Variants in LRRC71 observed in about 807,000 individuals in gnomAD.
LRRC71 encodes the protein leucine-rich repeat-containing protein 71.
LRRC71 carries 54 observed loss-of-function variants against 66.6 expected under a neutral mutation model. The ratio of observed to expected loss-of-function variants is 0.81; its 90% CI spans 0.65 to 1.02. The LOEUF (loss-of-function observed/expected upper bound fraction) is 1.02. Among genes scored for constraint, LRRC71 ranks in the 50% least tolerant of loss-of-function variants. The probability of loss-of-function intolerance (pLI) is 0.00; values close to 1 mark genes in which losing one functional copy is unlikely to be tolerated. For synonymous variants in LRRC71, 323 were observed against 303.9 expected, an observed-to-expected ratio of 1.06 and a Z score of -0.65; for missense variants, 724 against 718.0, an observed-to-expected ratio of 1.01 and a Z score of -0.10.
chr1:156,932,377 A>G (rs762850269), intron 13 of LRRC71, 47 bp from the exon 14 acceptor site: 53 of 1,500,396 alleles, frequency 3.5e-5, no homozygotes, highest in African/African-American at 4.2e-5. Context: ...TCAGGTGCCA[A>G]TGAGGCCTGT....
At chr1:156,937,114 T>C, downstream of LRRC71, 1 of 1,565,046 alleles carries the variant, frequency 6.4e-7, no homozygotes, top group South Asian at 1.2e-5. Context: ...TAAGGGTGGC[T>C]GGGCGGGCTG....
chr1:156,939,378 A>G, the LRRC71 span: 4 of 891,260 alleles, frequency 4.5e-6, no homozygotes, highest in Non-Finnish European at 6.8e-6. Context: ...CGAATGTCCA[A>G]CTCCAAAGCC....
At chr1:156,921,088 C>T (rs1652289274) in intron 1 of LRRC71, 125 bp downstream of exon 1, 2 of 1,164,586 alleles carry the variant, frequency 1.7e-6, no homozygotes, top group African/African-American at 1.6e-5. Context: ...TCCTGAATCT[C>T]GGCTTGATAG....
At chr1:156,933,151 C>T (rs1654641342), downstream of LRRC71, 1 of 547,140 alleles carries the variant, frequency 1.8e-6, no homozygotes, top group East Asian at 3.0e-5. Flanking sequence ...TTGCGTCTGT[C>T]CATGTTACAT....
At chr1:156,924,362 G>GCCGGC in intron 2 of LRRC71, 62 bp from the exon 3 acceptor site, 1 of 1,520,896 alleles carries the variant, frequency 6.6e-7, no homozygotes, top group South Asian at 1.2e-5. Context: ...GCACCCGTGG[G>GCCGGC]CCGGCCCGGC....
At chr1:156,935,931 C>A, downstream of LRRC71, 1 of 1,533,716 alleles carries the variant, frequency 6.5e-7, no homozygotes, top group Non-Finnish European at 8.9e-7. Flanking sequence ...CCCCCCTACC[C>A]TGTGCCCCGG....
At chr1:156,930,183 C>G (rs1385890135) in intron 11 of LRRC71, among the ~76,000 whole-genome samples, 1 of 148,366 alleles carries the variant, frequency 6.7e-6, no homozygotes, top group African/African-American at 2.5e-5. Context: ...ACCTCTGTCT[C>G]CTGGGTTCAA....
downstream of LRRC71, chr1:156,934,745 C>T (rs1400025054): frequency 6.6e-6 from 1 of 151,562 alleles, no homozygotes; most frequent in Non-Finnish European, 1.5e-5. Flanking sequence ...GAGAGGGCTC[C>T]CTCTGGTTCC....
chr1:156,924,469 G>A lies in LRRC71; in HGVS notation c.356G>A (p.Ser119Asn), dbSNP rs1379896084. Residue 119 changes from serine (S) to asparagine (N), a missense_variant, in exon 3 of 15, where the codon AGC (serine) becomes AAC (asparagine). Transcript: ENST00000337428. Reference sequence around the variant, plus strand: ...TCCTGCAGCCTCAATAGCCTGGAGAGCAAATACGTGTTCTTCCGGCCCACC... The same window carrying A: ...TCCTGCAGCCTCAATAGCCTGGAGAACAAATACGTGTTCTTCCGGCCCACC... Reference protein sequence around the residue: ...SGSCSLNSLESKYVFFRPTIQ... With the variant: ...SGSCSLNSLENKYVFFRPTIQ... 1.3e-6 allele frequency: 2 copies of A among 1,551,196 alleles called. No individual in the cohort carries two copies. Among genetic ancestry groups the A allele is most frequent in the African/African-American group, 1.4e-5 (1 of 73,072 alleles).
rs1653929138 is a variant in LRRC71 at position 156,929,411 on chromosome 1, G to C, written c.1128G>C (p.Lys376Asn). Residue 376 changes from lysine (K) to asparagine (N), a missense_variant, in exon 10 of 15, where the codon AAG becomes AAC. Coordinates refer to ENST00000337428, the MANE Select transcript of LRRC71 (RefSeq NM_144702.3). ...QTMKTPKGLG[K>N]KKEKSWELAK... The stretch of plus-strand genomic sequence containing the variant: ...TGAAAACCCCTAAGGGCCTGGGCAA[G>C]AAAAAGGAGAAATCATGGGTAGGTG... 1.2e-6 allele frequency: 2 copies of C among 1,613,764 alleles called. No homozygotes were observed.
the LRRC71 span, chr1:156,938,638 A>C: frequency 1.3e-6 from 1 of 778,558 alleles, no homozygotes; most frequent in Non-Finnish European, 2.1e-6. Flanking sequence ...GGGAAGAACA[A>C]GGTGAACACA....
In LRRC71 at chr1:156,932,550, G is replaced by A; in HGVS notation, c.1563+5G>A. On this transcript the variant is annotated splice_donor_5th_base_variant and intron_variant, in intron 14 of 14. Transcript: ENST00000337428. ...CTGCTGTGGCTGTCCCTGGCTGTGA[G>A]TCCCTTTCACTCTCTCCTGCTGAAG... 2 of 1,613,998 alleles carry A rather than the reference G, an allele frequency of 1.2e-6. No individual in the cohort carries two copies. The highest frequency in any genetic ancestry group is 1.7e-6 in the Non-Finnish European group (2 of 1,179,898).
Position 156,927,622 on chromosome 1 carries a change from C to T in LRRC71, c.789C>T (p.His263=), listed in dbSNP as rs770054849. ...TLVSLNLGFN[H]IGDEGAGYIA... ...TCTCGCTCAACCTGGGTTTCAACCA[C>T]ATCGGTGACGAGGGCGCAGGCTACA... The change falls in exon 7 of 15, where the codon CAC becomes CAT. Residue 263 remains histidine (H), a synonymous_variant. Transcript: ENST00000337428. The T allele has an allele frequency of 8.1e-6, 13 of 1,603,402 alleles. No individual in the cohort carries two copies. In the South Asian group the frequency reaches 1.0e-4, roughly 12 times the overall value.
At chr1:156,939,790 G>C in the LRRC71 span, 1 of 1,613,944 alleles carries the variant, frequency 6.2e-7, no homozygotes. Flanking sequence ...CCAGGGGTGA[G>C]AGGTGACGCT....
At chr1:156,938,344 G>A in the LRRC71 span, 1 of 1,383,848 alleles carries the variant, frequency 7.2e-7, no homozygotes, top group Non-Finnish European at 1.0e-6. Flanking sequence ...CCATGGGCAG[G>A]GGTCCGACTC....
the LRRC71 span, chr1:156,940,219 C>T: frequency 4.6e-5 from 73 of 1,584,586 alleles, 1 homozygote; most frequent in South Asian, 7.9e-4. Flanking sequence ...TCTTCCAGAG[C>T]GGAGTCAGCG....
chr1:156,924,798 G>T, intron 4 of LRRC71, 80 bp downstream of exon 4: 1 of 1,515,576 alleles, frequency 6.6e-7, no homozygotes, highest in African/African-American at 1.4e-5. Flanking sequence ...GAACCAAGGG[G>T]CATGGGAGAC....
Position 156,923,947 on chromosome 1 carries a change from A to C in LRRC71, c.161-2A>C. ...CTCTCACGCCCCTGCCTGCCCCCGC[A>C]GAGGAGTACCAGTGCTCCGGGGTCC... On this transcript the variant is annotated splice_acceptor_variant, in intron 1 of 14. Transcript: ENST00000337428. LOFTEE classifies it high-confidence loss of function. 6.7e-7 allele frequency: 1 copy of C among 1,485,510 alleles called. No homozygotes were observed. Among genetic ancestry groups the C allele is most frequent in the Non-Finnish European group, 9.0e-7 (1 of 1,112,710 alleles). 92.0% of individuals were successfully genotyped at this position (1,485,510 alleles called of 1,614,324 possible).
intron 12 of LRRC71, among the ~76,000 whole-genome samples, chr1:156,931,095 C>T (rs1423332785): frequency 3.3e-5 from 5 of 152,326 alleles, no homozygotes; most frequent in Middle Eastern, 3.4e-3. Flanking sequence ...TTCAGACCCT[C>T]TCTCTTTTGC....
Sources: gnomAD v4.1 joint callset for allele counts (sites outside exome capture counted in the v4.1 genomes callset) on GRCh38, gnomAD v4.1.1 for gene constraint, MANE v1.5 for transcripts, NCBI Gene and HGNC (gene_info 2026-07-23, HGNC 2026-07-21) for gene names.